The following ATG7 variants were observed in gnomAD, a reference collection of about 807,000 sequenced individuals.
The protein encoded by ATG7 is ubiquitin-like modifier-activating enzyme ATG7.
ATG7 carries 70 observed loss-of-function variants against 82.4 expected under a neutral mutation model. The observed-to-expected ratio is 0.85, with a 90% CI of 0.70 to 1.04. The LOEUF (loss-of-function observed/expected upper bound fraction) is 1.04. Ranked by LOEUF, ATG7 falls within the 50% of genes least tolerant of loss-of-function variation. ATG7 has a pLI of 0.00. For synonymous variants in ATG7, 287 were observed against 313.0 expected, an observed-to-expected ratio of 0.92 and a Z score of 0.88; for missense variants, 792 against 864.3, an observed-to-expected ratio of 0.92 and a Z score of 1.05.
chr3:11,354,359 A>G (rs9811658), intron 14 of ATG7, among the ~76,000 whole-genome samples: 94,699 of 151,962 alleles, frequency 0.62, 29,656 homozygotes, highest in East Asian at 0.68. Flanking sequence ...ATAAGATGTC[A>G]GATTATGAGG....
At chr3:11,367,146 TC>T (rs1328299501) in intron 18 of ATG7, among the ~76,000 whole-genome samples, 1 of 152,070 alleles carries the variant, frequency 6.6e-6, no homozygotes, top group African/African-American at 2.4e-5. Context: ...ACAACTTTTT[TC>T]CCCCTAAGTG....
intron 2 of ATG7, among the ~76,000 whole-genome samples, chr3:11,281,774 CAA>C (rs537058033): frequency 4.1e-4 from 23 of 56,344 alleles, no homozygotes; most frequent in Admixed American, 3.9e-4. Flanking sequence ...AACTCCATCT[CAA>C]AAAAAAAAAA....
At chr3:11,391,970 A>T (rs1012968343) in intron 19 of ATG7, among the ~76,000 whole-genome samples, 22 of 136,358 alleles carry the variant, frequency 1.6e-4, no homozygotes, top group African/African-American at 5.9e-4. Context: ...GGGGGGGGGT[A>T]ATTTCACTTT....
intron 11 of ATG7, among the ~76,000 whole-genome samples, chr3:11,340,436 T>G (rs2594979): frequency 0.52 from 79,633 of 151,838 alleles, 21,892 homozygotes; most frequent in Non-Finnish European, 0.63. Flanking sequence ...CTAAACAAGA[T>G]TCCCAGTAGT....
intron 20 of ATG7, among the ~76,000 whole-genome samples, chr3:11,454,962 T>A (rs530906416): frequency 3.2e-4 from 49 of 152,292 alleles, no homozygotes; most frequent in African/African-American, 1.2e-3. Flanking sequence ...TTTTAAAATA[T>A]TATCAAAACT....
intron 20 of ATG7, among the ~76,000 whole-genome samples, chr3:11,501,854 T>G (rs2091350594): frequency 6.6e-6 from 1 of 152,154 alleles, no homozygotes; most frequent in Non-Finnish European, 1.5e-5. Flanking sequence ...CACATCCGGC[T>G]AATTTTTGCA....
At chr3:11,462,637 TAGA>T (rs1361905946) in intron 20 of ATG7, among the ~76,000 whole-genome samples, 6 of 152,094 alleles carry the variant, frequency 3.9e-5, no homozygotes, top group Non-Finnish European at 7.4e-5. Flanking sequence ...TTGGGCCAGA[TAGA>T]GGAGGTGTGG....
At chr3:11,339,232 C>G (rs1209095462) in intron 11 of ATG7, among the ~76,000 whole-genome samples, 3 of 146,246 alleles carry the variant, frequency 2.1e-5, no homozygotes, top group Non-Finnish European at 3.0e-5. Context: ...GGAGGTGGAG[C>G]TTGCAGTGAG....
intron 11 of ATG7, among the ~76,000 whole-genome samples, chr3:11,339,164 C>A (rs2594981): frequency 4.0e-5 from 6 of 151,452 alleles, no homozygotes; most frequent in African/African-American, 1.2e-4. Context: ...GGCATGCTGG[C>A]GGGCGCGTGT....
chr3:11,395,970 G>GCA, intron 19 of ATG7, among the ~76,000 whole-genome samples: 1 of 115,436 alleles, frequency 8.7e-6, no homozygotes, highest in East Asian at 2.7e-4. Flanking sequence ...AAAAAAGGTA[G>GCA]GGGGGGAAGA....
intron 19 of ATG7, among the ~76,000 whole-genome samples, chr3:11,397,736 CGTG>C: frequency 3.8e-3 from 1 of 266 alleles, no homozygotes; most frequent in East Asian, 0.12. Context: ...GGATTACAGG[CGTG>C]CACCCACGCC....
rs137975487 is a variant in ATG7, at chr3:11,505,250, G to T, written c.2080-49561G>T. Among the ~76,000 whole-genome samples the T allele has an allele frequency of 4.3e-4, 65 of 152,304 alleles. 1 individual carries two copies. The East Asian group carries it at 0.012, about 28-fold the overall frequency. On this transcript the variant is annotated intron_variant, in intron 20 of 20. Coordinates refer to ENST00000693202, the MANE Select transcript of ATG7 (RefSeq NM_001349232.2). ...AGACTGGGTTTTTAAAGGACGAGTAGGAGTTCTATAGGCCTAGGGAATGGA... is the reference window on the plus strand; with the variant it reads ...AGACTGGGTTTTTAAAGGACGAGTATGAGTTCTATAGGCCTAGGGAATGGA...
chr3:11,498,960 C>T (rs1318744686), intron 20 of ATG7, among the ~76,000 whole-genome samples: 1 of 152,282 alleles, frequency 6.6e-6, no homozygotes, highest in East Asian at 1.9e-4. Context: ...AGAACAAGTT[C>T]TCAAACCTGC....
chr3:11,320,581 C>T (rs1403407982), intron 9 of ATG7, among the ~76,000 whole-genome samples: 3 of 152,238 alleles, frequency 2.0e-5, no homozygotes, highest in African/African-American at 7.2e-5. Flanking sequence ...AACCACCACA[C>T]CTGGTCCATA....
intron 9 of ATG7, among the ~76,000 whole-genome samples, chr3:11,318,213 C>T (rs73812429): frequency 2.9e-4 from 44 of 152,246 alleles, no homozygotes; most frequent in African/African-American, 1.0e-3. Context: ...CTATCCTTCA[C>T]TTGGTTAGGG....
At chr3:11,338,071 C>G (rs987988121) in intron 11 of ATG7, among the ~76,000 whole-genome samples, 2 of 152,116 alleles carry the variant, frequency 1.3e-5, no homozygotes, top group Non-Finnish European at 2.9e-5. Flanking sequence ...GTACTAATAC[C>G]TAGTACCTAG....
At chr3:11,474,593 C>T (rs1249100550) in intron 20 of ATG7, among the ~76,000 whole-genome samples, 1 of 152,152 alleles carries the variant, frequency 6.6e-6, no homozygotes, top group Non-Finnish European at 1.5e-5. Context: ...GAGTAAGCCC[C>T]TATCTCCCCA....
chr3:11,492,187 G>A (rs528689517), intron 20 of ATG7, among the ~76,000 whole-genome samples: 3 of 152,312 alleles, frequency 2.0e-5, no homozygotes, highest in South Asian at 2.1e-4. Flanking sequence ...AAAGCCCATC[G>A]GAAAGGCGCA....
chr3:11,273,996 T>A (rs1941114525), intron 1 of ATG7, among the ~76,000 whole-genome samples: 1 of 152,176 alleles, frequency 6.6e-6, no homozygotes, highest in African/African-American at 2.4e-5. Context: ...GCTGCTCCAG[T>A]CTTGTTAAGC....
Sources: gnomAD v4.1 joint callset for allele counts (sites outside exome capture counted in the v4.1 genomes callset) on GRCh38, gnomAD v4.1.1 for gene constraint, MANE v1.5 for transcripts, NCBI Gene and HGNC (gene_info 2026-07-23, HGNC 2026-07-21) for gene names.